Variants in SORBS2 observed in about 807,000 individuals in gnomAD.
The protein encoded by SORBS2 is sorbin and SH3 domain-containing protein 2.
A neutral mutation model predicts 97.7 loss-of-function variants in SORBS2; 46 were observed. The observed-to-expected ratio is 0.47, with a 90% confidence interval of 0.37 to 0.60. SORBS2 has a LOEUF of 0.60. SORBS2 is among the 20% of genes least tolerant of loss of function. The probability of loss-of-function intolerance (pLI) is 0.00; values close to 1 mark genes in which losing one functional copy is unlikely to be tolerated. For synonymous variants in SORBS2, 476 were observed against 473.4 expected (o/e 1.01, Z -0.07); for missense variants, 1,316 against 1,282.3 (o/e 1.03, Z -0.40).
intron 1 of SORBS2, among the ~76,000 whole-genome samples, chr4:185,888,842 G>A (rs1212373358): frequency 6.6e-6 from 1 of 152,194 alleles, no homozygotes; most frequent in Non-Finnish European, 1.5e-5. Flanking sequence ...TGTCTCATCT[G>A]AAAACCCTCT....
chr4:185,785,104 T>C (rs2099049774), intron 1 of SORBS2, among the ~76,000 whole-genome samples: 1 of 151,942 alleles, frequency 6.6e-6, no homozygotes, highest in Non-Finnish European at 1.5e-5. Flanking sequence ...CAGGGTTGCT[T>C]CGATGGAGTT....
chr4:185,604,163 C>T (rs1293045144), intron 12 of SORBS2, among the ~76,000 whole-genome samples: 1 of 152,214 alleles, frequency 6.6e-6, no homozygotes, highest in East Asian at 1.9e-4. Context: ...CTGGGTATAG[C>T]TGCTATGCAA....
intron 2 of SORBS2, among the ~76,000 whole-genome samples, chr4:185,690,351 G>A (rs554778315): frequency 4.6e-5 from 7 of 152,254 alleles, no homozygotes; most frequent in African/African-American, 1.7e-4. Context: ...AAAGGGAGTA[G>A]GAGCAAGTAA....
intron 1 of SORBS2, among the ~76,000 whole-genome samples, chr4:185,917,864 C>T (rs559881733): frequency 1.6e-4 from 24 of 152,142 alleles, no homozygotes; most frequent in Admixed American, 1.1e-3. Context: ...TGTTGATTGT[C>T]GTGGTGTGAG....
At chr4:185,711,484 C>T (rs2098420192) in intron 2 of SORBS2, among the ~76,000 whole-genome samples, 1 of 152,186 alleles carries the variant, frequency 6.6e-6, no homozygotes, top group Non-Finnish European at 1.5e-5. Flanking sequence ...TGGTCTCTTG[C>T]TGTACAGCAA....
intron 1 of SORBS2, among the ~76,000 whole-genome samples, chr4:185,826,512 T>C (rs80351200): frequency 0.017 from 2,573 of 152,360 alleles, 64 homozygotes; most frequent in African/African-American, 0.06. Flanking sequence ...ACAGAACAAG[T>C]TGGTCCTGTG....
chr4:185,635,508 T>G, intron 4 of SORBS2, 97 bp from the exon 16 acceptor site: 1 of 913,908 alleles, frequency 1.1e-6, no homozygotes, highest in South Asian at 1.5e-5. Context: ...GTGACAACAG[T>G]TAGAAATTGA....
At chr4:185,888,649 T>C (rs1293717918) in intron 1 of SORBS2, among the ~76,000 whole-genome samples, 1 of 152,218 alleles carries the variant, frequency 6.6e-6, no homozygotes, top group Non-Finnish European at 1.5e-5. Context: ...TCTAAATTGC[T>C]CACACAATGT....
intron 1 of SORBS2, among the ~76,000 whole-genome samples, chr4:185,812,702 A>G (rs757268083): frequency 6.6e-6 from 1 of 152,212 alleles, no homozygotes; most frequent in Non-Finnish European, 1.5e-5. Context: ...GAATTGCTAT[A>G]TAGGGTCAGA....
intron 4 of SORBS2, among the ~76,000 whole-genome samples, chr4:185,671,000 C>T (rs1002472210): frequency 2.6e-5 from 4 of 152,134 alleles, no homozygotes; most frequent in South Asian, 2.1e-4. Flanking sequence ...CTTGAAGTAA[C>T]GACAGAGCAG....
chr4:185,872,435 G>A (rs2099230917), intron 1 of SORBS2, among the ~76,000 whole-genome samples: 1 of 152,168 alleles, frequency 6.6e-6, no homozygotes, highest in South Asian at 2.1e-4. Flanking sequence ...AGAGCTGTGG[G>A]AATTTCACAA....
chr4:185,705,453 G>A (rs941938904), intron 2 of SORBS2, among the ~76,000 whole-genome samples: 20 of 152,092 alleles, frequency 1.3e-4, no homozygotes, highest in African/African-American at 4.6e-4. Context: ...GGCTGAGGCA[G>A]GAGAATCGCT....
chr4:185,621,274 G>A (rs72718123), intron 7 of SORBS2, among the ~76,000 whole-genome samples: 26,480 of 152,052 alleles, frequency 0.17, 2,463 homozygotes, highest in African/African-American at 0.22. Context: ...TGATCATAGG[G>A]CCTCATAATG....
chr4:185,908,348 T>C (rs13110287), intron 1 of SORBS2, among the ~76,000 whole-genome samples: 2 of 144,450 alleles, frequency 1.4e-5, no homozygotes, highest in Non-Finnish European at 3.0e-5. Context: ...TATATATATA[T>C]ACACATATAT....
intron 13 of SORBS2, chr4:185,592,843 T>G (rs1390991733): frequency 6.6e-6 from 1 of 152,258 alleles, no homozygotes. Context: ...CACCTAACCT[T>G]CAGTGAGATT....
intron 1 of SORBS2, among the ~76,000 whole-genome samples, chr4:185,858,751 C>T (rs1427965101): frequency 1.3e-5 from 2 of 152,156 alleles, no homozygotes; most frequent in Non-Finnish European, 2.9e-5. Context: ...AATTAATTGG[C>T]TTCATGAACA....
rs1021958937 is a variant in SORBS2, at chr4:185,606,826, A to G, written c.2796+4954T>C. On this transcript the variant is annotated intron_variant, in intron 12 of 14. Transcript: ENST00000418609. The surrounding 1 kb of genome is among the most constrained non-coding windows in gnomAD (Gnocchi z 4.3). ...ATAGATGCCCTCATCTTCCTCTCCA[A>G]TGACCGGAAGGGGTACAGGCAAGGA... 14 of 985,112 alleles carry G rather than the reference A, an allele frequency of 1.4e-5. No individual in the cohort carries two copies. Among genetic ancestry groups the G allele is most frequent in the Non-Finnish European group, 1.7e-5 (14 of 829,892 alleles). 61.0% of individuals were successfully genotyped at this position (985,112 alleles called of 1,614,324 possible).
intron 1 of SORBS2, among the ~76,000 whole-genome samples, chr4:185,931,763 A>C (rs1460621136): frequency 1.3e-5 from 2 of 151,588 alleles, no homozygotes; most frequent in African/African-American, 2.4e-5. Context: ...TCAATACAAA[A>C]AATAAAGAAA....
At chr4:185,862,478 T>C (rs1459228685) in intron 1 of SORBS2, among the ~76,000 whole-genome samples, 1 of 152,224 alleles carries the variant, frequency 6.6e-6, no homozygotes, top group African/African-American at 2.4e-5. Context: ...AGGCTCGCCA[T>C]GATGGCATGG....
Sources: allele counts gnomAD v4.1 joint callset (sites outside exome capture counted in the v4.1 genomes callset), GRCh38; gene constraint gnomAD v4.1.1; non-coding constraint Gnocchi (gnomAD v3.1); transcripts MANE v1.5; gene names NCBI Gene and HGNC (gene_info 2026-07-23, HGNC 2026-07-21).